PRKCH: variants seen among roughly 807,000 people sequenced by gnomAD.
PRKCH encodes the protein protein kinase C eta type.
A neutral mutation model predicts 82.5 loss-of-function variants in PRKCH; 28 were observed. The observed-to-expected ratio is 0.34, with a 90% CI of 0.25 to 0.47. The LOEUF is 0.47. Among genes scored for constraint, PRKCH ranks in the 20% least tolerant of loss-of-function variants. The pLI, the probability that PRKCH is intolerant of heterozygous loss-of-function variation, is 1.00. For missense variants in PRKCH, 705 were observed against 881.8 expected (o/e 0.80, Z 2.54); for synonymous variants, 322 against 327.4 (o/e 0.98, Z 0.18).
At chr14:61,508,783 T>C (rs1438891162) in intron 10 of PRKCH, among the ~76,000 whole-genome samples, 1 of 152,186 alleles carries the variant, frequency 6.6e-6, no homozygotes, top group Non-Finnish European at 1.5e-5. Context: ...TTATCTTGTA[T>C]ATGAGGCCAT....
chr14:61,540,330 A>G (rs927366254), intron 12 of PRKCH, among the ~76,000 whole-genome samples: 3 of 152,236 alleles, frequency 2.0e-5, no homozygotes, highest in African/African-American at 7.2e-5. Context: ...AGTGTCATTT[A>G]TTAGGTGAAA....
At chr14:61,247,635 C>T (rs1040367821) in intron 1 of PRKCH, among the ~76,000 whole-genome samples, 3 of 144,144 alleles carry the variant, frequency 2.1e-5, no homozygotes, top group African/African-American at 5.1e-5. Flanking sequence ...ACTTGGGAGG[C>T]TGAGGCAGGA....
intron 1 of PRKCH, among the ~76,000 whole-genome samples, chr14:61,216,839 GTTTC>G (rs1469818704): frequency 6.6e-6 from 1 of 152,152 alleles, no homozygotes; most frequent in Non-Finnish European, 1.5e-5. Context: ...TAATATGGCT[GTTTC>G]TTTATGAGAA....
At chr14:61,257,364 C>A (rs75706355) in intron 1 of PRKCH, among the ~76,000 whole-genome samples, 2,820 of 151,822 alleles carry the variant, frequency 0.019, 79 homozygotes, top group African/African-American at 0.06. Context: ...AACTTTGAAG[C>A]TGACATTTTA....
Position 61,280,803 on chromosome 14 carries a change from G to A in PRKCH, c.-19+93135G>A. 1.3e-6 allele frequency: 2 copies of A among 1,561,030 alleles called. No individual in the cohort carries two copies. The highest frequency in any genetic ancestry group is 8.6e-7 in the Non-Finnish European group (1 of 1,162,572). On this transcript the variant is annotated intron_variant, in intron 1 of 3. Coordinates refer to the PRKCH transcript ENST00000555185. The surrounding 1 kb of genome is among the most constrained non-coding windows in gnomAD (Gnocchi z 5.0). ...AGCGCCGGTTGTTCTGGTAGAAGTT[G>A]GTCAGCTCGTAGTAGAGGTACACTG...
intron 2 of PRKCH, among the ~76,000 whole-genome samples, chr14:61,402,860 A>T (rs11626400): frequency 0.71 from 106,504 of 150,344 alleles, 38,089 homozygotes; most frequent in Non-Finnish European, 0.75. Flanking sequence ...TTAATTAATT[A>T]ATTTATTTAT....
chr14:61,546,096 C>T (rs980063588), intron 12 of PRKCH, among the ~76,000 whole-genome samples: 14 of 152,210 alleles, frequency 9.2e-5, no homozygotes, highest in Admixed American at 7.2e-4. Flanking sequence ...GGAATTGTAT[C>T]CCGTTGACTT....
intron 4 of PRKCH, among the ~76,000 whole-genome samples, chr14:61,447,001 A>G (rs1884257764): frequency 6.6e-6 from 1 of 152,240 alleles, no homozygotes; most frequent in Non-Finnish European, 1.5e-5. Context: ...TAGTTAGGAG[A>G]CATGCAGACA....
chr14:61,363,712 G>C (rs1339863294), intron 1 of PRKCH, among the ~76,000 whole-genome samples: 2 of 152,068 alleles, frequency 1.3e-5, no homozygotes, highest in African/African-American at 4.8e-5. Flanking sequence ...AGAGCCATGT[G>C]AGTAGGTTGG....
chr14:61,536,164 G>A (rs529001680), intron 12 of PRKCH, among the ~76,000 whole-genome samples: 1 of 126,446 alleles, frequency 7.9e-6, no homozygotes, highest in African/African-American at 2.6e-5. Flanking sequence ...CCTGGCCTGG[G>A]AGTCTATGTC....
chr14:61,255,706 T>C (rs1327698882), intron 1 of PRKCH, among the ~76,000 whole-genome samples: 1 of 152,130 alleles, frequency 6.6e-6, no homozygotes, highest in African/African-American at 2.4e-5. Context: ...TAATAATATA[T>C]AAATACTGGC....
intron 1 of PRKCH, among the ~76,000 whole-genome samples, chr14:61,362,491 C>G (rs1429542927): frequency 6.6e-6 from 1 of 152,150 alleles, no homozygotes; most frequent in East Asian, 1.9e-4. Context: ...ACAGTGCAGT[C>G]TGAGTAATAA....
In PRKCH at chr14:61,272,340, C is replaced by CTTTTTTTTTTTTTTTT. The variant is rs1335053986; in HGVS notation, c.-19+84675_-19+84676insTTTTTTTTTTTTTTTT. On this transcript the variant is annotated intron_variant, in intron 1 of 3. Transcript: ENST00000555185. Reference sequence around the variant, plus strand: ...TAGATTTCTTTTTCTTTTCTTTTTTCTTTCTTTTTTTTTTTTTTTTTTTTT... The same window carrying CTTTTTTTTTTTTTTTT: ...TAGATTTCTTTTTCTTTTCTTTTTTCTTTTTTTTTTTTTTTTTTTCTTTTTTTTTTTTTTTTTTTTT... Among the ~76,000 whole-genome samples the CTTTTTTTTTTTTTTTT allele has an allele frequency of 9.2e-5, 9 of 97,838 alleles. 3 individuals are homozygous for CTTTTTTTTTTTTTTTT. The highest frequency in any genetic ancestry group is 1.2e-4 in the African/African-American group (3 of 24,948). The allele number at this position is 97,838 out of a possible 152,430, so 64.2% of individuals were successfully genotyped here. A position where few individuals can be genotyped will look rare whatever the true frequency, so the allele number is the denominator to read the frequency against.
At position 61,238,816 on chromosome 14, in the gene PRKCH, A is replaced by AG. The variant is rs547431065; in HGVS notation, c.-19+51149dup. On this transcript the variant is annotated intron_variant, in intron 1 of 3. Transcript: ENST00000555185. ...AGCATCTGTAAGACCCGTGAAGGGA[A>AG]GCTGTGACAACAAACTGGGTAAAGC... Among the ~76,000 whole-genome samples, 357 of 152,330 alleles carry AG rather than the reference A, an allele frequency of 2.3e-3. 1 individual carries two copies. Among genetic ancestry groups the AG allele is most frequent in the African/African-American group, 7.4e-3 (306 of 41,576 alleles).
At chr14:61,344,779 G>A (rs143975198) in intron 1 of PRKCH, among the ~76,000 whole-genome samples, 121 of 152,152 alleles carry the variant, frequency 8.0e-4, no homozygotes, top group African/African-American at 2.8e-3. Context: ...AGTTCCTCCC[G>A]CCTGCCTATG....
chr14:61,548,205 T>C (rs1247796883), intron 13 of PRKCH, among the ~76,000 whole-genome samples: 2 of 152,248 alleles, frequency 1.3e-5, no homozygotes, highest in Non-Finnish European at 2.9e-5. Context: ...TTTGGCTAAT[T>C]GAGAAAGTCA....
intron 2 of PRKCH, among the ~76,000 whole-genome samples, chr14:61,403,646 C>T (rs1881782677): frequency 6.6e-6 from 1 of 152,176 alleles, no homozygotes; most frequent in African/African-American, 2.4e-5. Flanking sequence ...ACAAGGCAGT[C>T]ACGATACTTC....
chr14:61,281,083 C>A, intron 1 of PRKCH: 6 of 1,513,324 alleles, frequency 4.0e-6, no homozygotes, highest in Non-Finnish European at 4.4e-6. Flanking sequence ...GGCGGGGAGG[C>A]GCTGCTGAGT....
chr14:61,285,296 A>G (rs189050777), intron 1 of PRKCH, among the ~76,000 whole-genome samples: 5 of 152,372 alleles, frequency 3.3e-5, no homozygotes, highest in African/African-American at 1.2e-4. Context: ...AGCTAAGCAC[A>G]GAATATATTT....
Sources: allele counts gnomAD v4.1 joint callset (sites outside exome capture counted in the v4.1 genomes callset), GRCh38; gene constraint gnomAD v4.1.1; non-coding constraint Gnocchi (gnomAD v3.1); transcripts MANE v1.5; gene names NCBI Gene and HGNC (gene_info 2026-07-23, HGNC 2026-07-21).